GPC6: variants seen among roughly 807,000 people sequenced by gnomAD.
The protein encoded by GPC6 is glypican 6.
GPC6 carries 14 observed loss-of-function variants against 55.2 expected under a neutral mutation model. That is an observed-to-expected ratio of 0.25 (90% CI 0.17 to 0.40). The LOEUF is 0.40. GPC6 is among the 10% of genes least tolerant of loss of function. The pLI is 1.00. For missense variants in GPC6, 641 were observed against 708.5 expected (o/e 0.90, Z 1.08); for synonymous variants, 278 against 259.6 (o/e 1.07, Z -0.68).
chr13:93,716,383 A>G (rs1210106732), intron 2 of GPC6, among the ~76,000 whole-genome samples: 2 of 151,620 alleles, frequency 1.3e-5, no homozygotes, highest in African/African-American at 4.8e-5. Context: ...GTCCCTGAAG[A>G]CCTTCCAGTG....
chr13:93,778,899 A>C (rs1198745119), intron 2 of GPC6, among the ~76,000 whole-genome samples: 1 of 152,168 alleles, frequency 6.6e-6, no homozygotes, highest in Non-Finnish European at 1.5e-5. Context: ...TTTTGCTTCC[A>C]TCCAATAACT....
At chr13:93,557,388 A>C (rs1476386490) in intron 2 of GPC6, among the ~76,000 whole-genome samples, 1 of 151,684 alleles carries the variant, frequency 6.6e-6, no homozygotes, top group African/African-American at 2.4e-5. Flanking sequence ...GTAATATATT[A>C]TGATTGATGT....
At chr13:93,633,109 C>A (rs1465227126) in intron 2 of GPC6, among the ~76,000 whole-genome samples, 1 of 152,104 alleles carries the variant, frequency 6.6e-6, no homozygotes, top group Non-Finnish European at 1.5e-5. Context: ...TTGAATTCTG[C>A]ATTTAATGTG....
At chr13:93,279,476 C>T (rs1877873120) in intron 1 of GPC6, among the ~76,000 whole-genome samples, 1 of 152,218 alleles carries the variant, frequency 6.6e-6, no homozygotes, top group Non-Finnish European at 1.5e-5. Context: ...AAAATAGCTT[C>T]TTGAACCTTA....
intron 1 of GPC6, among the ~76,000 whole-genome samples, chr13:93,518,610 A>G (rs970859607): frequency 2.0e-5 from 3 of 152,040 alleles, no homozygotes; most frequent in African/African-American, 7.2e-5. Context: ...TCTCATAGTG[A>G]GCTACAAAAT....
intron 1 of GPC6, among the ~76,000 whole-genome samples, chr13:93,496,110 C>T (rs1880259912): frequency 6.6e-6 from 1 of 152,120 alleles, no homozygotes; most frequent in African/African-American, 2.4e-5. Context: ...ATGGTTGGCG[C>T]CCCTCCCCCA....
At position 94,387,024 on chromosome 13, in the gene GPC6, T is replaced by A. The variant is rs182562397; in HGVS notation, c.1289+4474T>A. 2.4e-3 allele frequency among the ~76,000 whole-genome samples: 364 copies of A among 152,316 alleles called. 2 individuals carry two copies. The highest frequency in any genetic ancestry group is 7.5e-3 in the African/African-American group (311 of 41,578). On this transcript the variant is annotated intron_variant, in intron 7 of 8. Transcript: ENST00000377047. ...TTACTCCAGTGATTATCTTATTTTT[T>A]AAAAAGCTGTTATTAAGTAATGGCA... is the stretch of plus-strand genomic sequence containing the variant.
intron 5 of GPC6, among the ~76,000 whole-genome samples, chr13:94,289,708 C>A (rs1332685728): frequency 1.3e-5 from 2 of 152,150 alleles, no homozygotes; most frequent in Non-Finnish European, 2.9e-5. Flanking sequence ...AACACAGGAC[C>A]AGATATCAGG....
intron 6 of GPC6, among the ~76,000 whole-genome samples, chr13:94,324,711 T>TG (rs1325948401): frequency 6.6e-6 from 1 of 151,824 alleles, no homozygotes; most frequent in South Asian, 2.1e-4. Context: ...TTTTGTTTTT[T>TG]TTTTTAATTT....
chr13:94,194,722 A>G, intron 4 of GPC6, among the ~76,000 whole-genome samples: 1 of 152,168 alleles, frequency 6.6e-6, no homozygotes, highest in South Asian at 2.1e-4. Flanking sequence ...CATGTAACCA[A>G]ATATGACCTG....
chr13:94,206,955 T>C (rs1889922894), intron 4 of GPC6, among the ~76,000 whole-genome samples: 1 of 152,166 alleles, frequency 6.6e-6, no homozygotes, highest in Non-Finnish European at 1.5e-5. Context: ...TCACCCCCTT[T>C]ATCTAACTCT....
chr13:93,368,168 G>C (rs572631364), intron 1 of GPC6, among the ~76,000 whole-genome samples: 45 of 151,986 alleles, frequency 3.0e-4, no homozygotes, highest in South Asian at 8.3e-4. Flanking sequence ...TTATCATTAT[G>C]CAATGTTCTT....
chr13:93,470,007 T>G lies in GPC6; in HGVS notation c.161-75256T>G, dbSNP rs571434362. ...TGTATATCCTCCCACCAATTCTGTA[T>G]AGTCTTGATTAGTTTTACAGGAAGA... On this transcript the variant is annotated intron_variant, in intron 1 of 8. Coordinates refer to ENST00000377047, the MANE Select transcript of GPC6 (RefSeq NM_005708.5). Among the ~76,000 whole-genome samples the G allele has an allele frequency of 2.0e-5, 3 of 152,302 alleles. No individual in the cohort carries two copies. The East Asian group carries it at 5.8e-4, about 29-fold the overall frequency.
chr13:94,081,094 T>G (rs1885081243), intron 4 of GPC6, among the ~76,000 whole-genome samples: 1 of 152,158 alleles, frequency 6.6e-6, no homozygotes, highest in African/African-American at 2.4e-5. Context: ...CCTGGAAGAT[T>G]CTGGGCACAG....
rs573417294 is a variant in GPC6 at position 94,049,084 on chromosome 13, C to T, written c.877+21190C>T. Among the ~76,000 whole-genome samples, 6 of 152,082 alleles carry T rather than the reference C, an allele frequency of 3.9e-5. No individual in the cohort carries two copies. In the South Asian group the frequency reaches 1.2e-3, roughly 32 times the overall value. ...TGGTCAACATAGCAAGACCCTATCT[C>T]TATGAAAACAATTTAAAAATCAGCT... On this transcript the variant is annotated intron_variant, in intron 4 of 8. Transcript: ENST00000377047.
In GPC6 at chr13:93,227,358, AGGAG is replaced by A; in HGVS notation, c.-98_-95del. On this transcript the variant is annotated 5_prime_UTR_variant, in exon 1 of 9. Transcript: ENST00000377047. This position sits in a 1 kb window ranked among gnomAD's most constrained non-coding sequence, Gnocchi z 4.3. The stretch of plus-strand genomic sequence containing the variant: ...AAGGGGGTGACGCTGGGCAGCGGCG[AGGAG>A]CGCGCCGCTGCCTCTGGCGGGCTTT... The A allele has an allele frequency of 8.3e-7, 1 of 1,202,252 alleles. No individual in the cohort carries two copies. The highest frequency in any genetic ancestry group is 1.2e-6 in the Non-Finnish European group (1 of 834,980). The allele number at this position is 1,202,252 out of a possible 1,614,324, so 74.5% of individuals were successfully genotyped here.
intron 3 of GPC6, among the ~76,000 whole-genome samples, chr13:93,872,123 A>T (rs1394362377): frequency 6.6e-6 from 1 of 151,968 alleles, no homozygotes; most frequent in Non-Finnish European, 1.5e-5. Context: ...GCCTTTTTGA[A>T]ATATCAAAAG....
intron 1 of GPC6, among the ~76,000 whole-genome samples, chr13:93,361,513 C>G (rs1881039258): frequency 6.6e-6 from 1 of 152,054 alleles, no homozygotes; most frequent in African/African-American, 2.4e-5. Flanking sequence ...ACATTCATAG[C>G]CATTATCTAC....
chr13:93,771,069 G>A (rs73547592), intron 2 of GPC6, among the ~76,000 whole-genome samples: 5,969 of 152,180 alleles, frequency 0.039, 356 homozygotes, highest in East Asian at 0.19. Flanking sequence ...CATTCAGTCT[G>A]TTCTGTGCCA....
Sources: gnomAD v4.1 joint callset for allele counts (sites outside exome capture counted in the v4.1 genomes callset) on GRCh38, gnomAD v4.1.1 for gene constraint, Gnocchi (gnomAD v3.1) non-coding constraint, MANE v1.5 for transcripts, NCBI Gene and HGNC (gene_info 2026-07-23, HGNC 2026-07-21) for gene names.